ADGRE3: variants seen among roughly 807,000 people sequenced by gnomAD.
ADGRE3 encodes adhesion G protein-coupled receptor E3.
A neutral mutation model predicts 80.1 loss-of-function variants in ADGRE3; 88 were observed. The ratio of observed to expected loss-of-function variants is 1.10; its 90% CI spans 0.93 to 1.31. ADGRE3 has a LOEUF of 1.31. Ranked by LOEUF, ADGRE3 falls within the 40% of genes most tolerant of loss-of-function variation. The pLI, the probability that ADGRE3 is intolerant of heterozygous loss-of-function variation, is 0.00. For synonymous variants in ADGRE3, 281 were observed against 294.8 expected (o/e 0.95, Z 0.48); for missense variants, 715 against 776.5 (o/e 0.92, Z 0.94).
intron 9 of ADGRE3, 44 bp from the exon 10 acceptor site, chr19:14,641,660 G>A (rs181696284): frequency 4.4e-6 from 7 of 1,599,756 alleles, no homozygotes; most frequent in Admixed American, 3.5e-5. Context: ...TTCCTGCACT[G>A]GGATTATGGC....
chr19:14,613,847 G>A, the ADGRE3 span, among the ~76,000 whole-genome samples: 4 of 151,974 alleles, frequency 2.6e-5, no homozygotes, highest in African/African-American at 7.2e-5. Flanking sequence ...CACCACATCC[G>A]GCTAATTTTT....
At chr19:14,605,085 C>T in the ADGRE3 span, among the ~76,000 whole-genome samples, 1 of 151,656 alleles carries the variant, frequency 6.6e-6, no homozygotes, top group African/African-American at 2.4e-5. Context: ...GTAATCCCAG[C>T]ACTTTGACCT....
chr19:14,615,415 A>G (rs554493133), downstream of ADGRE3, among the ~76,000 whole-genome samples: 5 of 151,866 alleles, frequency 3.3e-5, no homozygotes, highest in Admixed American at 3.3e-4. Flanking sequence ...AGCCTGCTCA[A>G]CTAACACATT....
In ADGRE3 at chr19:14,658,526, TC is replaced by T; in HGVS notation, c.379del (p.Glu127ArgfsTer47). On this transcript the variant is annotated frameshift_variant, in exon 5 of 16. Transcript: ENST00000253673. LOFTEE classifies it high-confidence loss of function. ...GCCTCCACTCACCTCTTTCCTGCCCTCGGTTGTCTTTGAGGAGGTGGTGTCT... is the reference window on the plus strand; with the variant it reads ...GCCTCCACTCACCTCTTTCCTGCCCTGGTTGTCTTTGAGGAGGTGGTGTCT... ...CQDTTSSKTT[E>X]GRKELQKIVD... 1 of 1,570,278 alleles carries T rather than the reference TC, an allele frequency of 6.4e-7. No individual in the cohort carries two copies. The highest frequency in any genetic ancestry group is 1.2e-5 in the South Asian group (1 of 85,744).
intron 3 of ADGRE3, among the ~76,000 whole-genome samples, chr19:14,662,525 G>A (rs1206059648): frequency 1.3e-5 from 2 of 151,980 alleles, no homozygotes; most frequent in African/African-American, 2.4e-5. Flanking sequence ...AACTGGGATT[G>A]CAGGCATGCA....
At chr19:14,636,119 T>TTTC (rs1359010543) in intron 11 of ADGRE3, among the ~76,000 whole-genome samples, 1 of 70,620 alleles carries the variant, frequency 1.4e-5, no homozygotes, top group Non-Finnish European at 3.1e-5. Flanking sequence ...TCTTTCTTTC[T>TTTC]TTCTTTCTTT....
At position 14,619,461 on chromosome 19, in the gene ADGRE3, A is replaced by T. The variant is rs747567804; in HGVS notation, c.1931T>A (p.Phe644Tyr). 1.3e-6 allele frequency: 2 copies of T among 1,596,292 alleles called. No homozygotes were observed. Among genetic ancestry groups the T allele is most frequent in the Non-Finnish European group, 1.7e-6 (2 of 1,164,230 alleles). ...ATATTTTCTCTTCACTTGTCCTGGA[A>T]AAACATCCCCCTATAAAAGAGGTTT... ...PDSKPSEGDV[F>Y]PGQVKRKY Residue 644 changes from phenylalanine to tyrosine, a missense_variant, in exon 16 of 16, where the codon TTT becomes TAT. Transcript: ENST00000253673.
chr19:14,620,960 A>G (rs1036895365), intron 15 of ADGRE3, among the ~76,000 whole-genome samples: 4 of 152,104 alleles, frequency 2.6e-5, no homozygotes, highest in African/African-American at 7.2e-5. Flanking sequence ...GAAACCTTTC[A>G]TAGGTCACAG....
At chr19:14,605,828 T>C in the ADGRE3 span, among the ~76,000 whole-genome samples, 1 of 152,132 alleles carries the variant, frequency 6.6e-6, no homozygotes, top group African/African-American at 2.4e-5. Flanking sequence ...AGCCTTGAAC[T>C]CCTGGGCTTA....
At chr19:14,606,801 C>A in the ADGRE3 span, among the ~76,000 whole-genome samples, 4 of 152,036 alleles carry the variant, frequency 2.6e-5, no homozygotes, top group Middle Eastern at 3.2e-3. Context: ...GAAAAAGTAG[C>A]ACGATTATTC....
At chr19:14,630,515 T>C (rs1393772801) in intron 13 of ADGRE3, among the ~76,000 whole-genome samples, 3 of 152,010 alleles carry the variant, frequency 2.0e-5, no homozygotes, top group African/African-American at 7.2e-5. Context: ...TTCAAGTGAT[T>C]CTCCTGCCTC....
At chr19:14,666,959 T>G (rs1599654330) in intron 2 of ADGRE3, among the ~76,000 whole-genome samples, 1 of 152,174 alleles carries the variant, frequency 6.6e-6, no homozygotes, top group African/African-American at 2.4e-5. Flanking sequence ...CCTCAGGATA[T>G]GACTTCATTT....
chr19:14,661,095 C>T (rs1437898245), intron 4 of ADGRE3, among the ~76,000 whole-genome samples: 2 of 151,980 alleles, frequency 1.3e-5, no homozygotes, highest in African/African-American at 4.8e-5. Flanking sequence ...GCACCCGCCA[C>T]CACACCCAGC....
intron 15 of ADGRE3, among the ~76,000 whole-genome samples, chr19:14,620,421 TA>T (rs1365979717): frequency 2.8e-5 from 4 of 142,246 alleles, no homozygotes; most frequent in African/African-American, 8.3e-5. Flanking sequence ...TATATTCATG[TA>T]TATATGAATA....
chr19:14,607,222 T>C, the ADGRE3 span: 5 of 334,234 alleles, frequency 1.5e-5, no homozygotes, highest in African/African-American at 1.1e-4. Flanking sequence ...TTTTTTTTTT[T>C]GAGACAGAGT....
downstream of ADGRE3, among the ~76,000 whole-genome samples, chr19:14,618,684 C>T (rs377290716): frequency 4.6e-5 from 7 of 151,134 alleles, no homozygotes; most frequent in African/African-American, 1.7e-4. Flanking sequence ...TGGAGAAACC[C>T]TGTCTCTACT....
In ADGRE3 at chr19:14,670,288, G is replaced by A. The variant is rs544118424; in HGVS notation, c.26-1436C>T. Among the ~76,000 whole-genome samples, 7 of 152,272 alleles carry A rather than the reference G, an allele frequency of 4.6e-5. No individual in the cohort carries two copies. In the South Asian group the frequency reaches 1.4e-3, roughly 32 times the overall value. ...CTTCAAACATGGAGACCTGAAGCAA[G>A]CTGCTTTAATGGAACATCTAAGCTC... On this transcript the variant is annotated intron_variant, in intron 1 of 15. Transcript: ENST00000253673.
At chr19:14,633,776 C>CT (rs201616276) in intron 11 of ADGRE3, among the ~76,000 whole-genome samples, 40,781 of 109,514 alleles carry the variant, frequency 0.37, 9,678 homozygotes, top group Non-Finnish European at 0.45. Context: ...ATGACAATAG[C>CT]TTTTTTTTTT....
At chr19:14,601,421 C>A in the ADGRE3 span, among the ~76,000 whole-genome samples, 1 of 152,152 alleles carries the variant, frequency 6.6e-6, no homozygotes, top group African/African-American at 2.4e-5. Context: ...TAATGATTTG[C>A]TACTACAATT....
Sources: gnomAD v4.1 joint callset for allele counts (sites outside exome capture counted in the v4.1 genomes callset) on GRCh38, gnomAD v4.1.1 for gene constraint, MANE v1.5 for transcripts, NCBI Gene and HGNC (gene_info 2026-07-23, HGNC 2026-07-21) for gene names.